Variants in ACSS3 observed in about 807,000 individuals in gnomAD.
The protein encoded by ACSS3 is acyl-CoA synthetase short chain family member 3.
A neutral mutation model predicts 84.2 loss-of-function variants in ACSS3; 64 were observed. That is an observed-to-expected ratio of 0.76 (90% CI 0.62 to 0.94). The LOEUF (loss-of-function observed/expected upper bound fraction) is 0.94. ACSS3 is among the 40% of genes least tolerant of loss of function. The pLI, the probability that ACSS3 is intolerant of heterozygous loss-of-function variation, is 0.00. For missense variants in ACSS3, 815 were observed against 867.6 expected (o/e 0.94, Z 0.76); for synonymous variants, 317 against 310.1 (o/e 1.02, Z -0.23).
rs1253910073 is a variant in ACSS3, at chr12:81,139,630, A to AT, written c.780+366dup. Among the ~76,000 whole-genome samples the AT allele has an allele frequency of 4.0e-3, 565 of 142,040 alleles. 7 individuals carry two copies. Among genetic ancestry groups the AT allele is most frequent in the Middle Eastern group, 0.033 (9 of 272 alleles). 93.2% of individuals were successfully genotyped at this position (142,040 alleles called of 152,430 possible). A position where few individuals can be genotyped will look rare whatever the true frequency, so the allele number is the denominator to read the frequency against. ...AATATATATATATAAAATAATAATA[A>AT]TAATAATTATTGTTATTTTTTTTTG... On this transcript the variant is annotated intron_variant, in intron 4 of 15. Transcript: ENST00000548058.
intron 8 of ACSS3, among the ~76,000 whole-genome samples, chr12:81,193,193 T>C (rs2135878713): frequency 6.6e-6 from 1 of 152,170 alleles, no homozygotes; most frequent in East Asian, 1.9e-4. Context: ...TGGCAAAAAA[T>C]AATGATAATC....
intron 2 of ACSS3, among the ~76,000 whole-genome samples, chr12:81,133,485 A>G (rs1326662214): frequency 6.6e-6 from 1 of 152,054 alleles, no homozygotes; most frequent in Non-Finnish European, 1.5e-5. Flanking sequence ...ATCGCATCAC[A>G]TATGATCTCC....
intron 7 of ACSS3, among the ~76,000 whole-genome samples, chr12:81,159,547 A>G (rs907625531): frequency 1.3e-5 from 2 of 152,226 alleles, no homozygotes; most frequent in African/African-American, 2.4e-5. Flanking sequence ...ATGGAAACCA[A>G]TTCTGAATAA....
At chr12:81,139,817 A>G (rs1359218310) in intron 4 of ACSS3, among the ~76,000 whole-genome samples, 1 of 151,622 alleles carries the variant, frequency 6.6e-6, no homozygotes. Context: ...TTGTATTTTT[A>G]GTAGAGACGG....
At chr12:81,078,048 C>T, upstream of ACSS3, 4 of 1,418,340 alleles carry the variant, frequency 2.8e-6, no homozygotes, top group South Asian at 6.0e-5. Context: ...CCCCTACTCC[C>T]TTCCCTCAGG....
In ACSS3 at chr12:81,139,139, G is replaced by T. The variant is rs776661069; in HGVS notation, c.654G>T (p.Val218=). The change falls in exon 4 of 16, where the codon GTG becomes GTT. Residue 218 remains valine, a synonymous_variant. Coordinates refer to ENST00000548058, the MANE Select transcript of ACSS3 (RefSeq NM_024560.4). ...SSRIDHVKPK[V]VVTASFGIEP... ...TTATTTTTTAATTGTAGCCCAAGGTGGTTGTTACAGCATCATTTGGCATTG... is the reference window on the plus strand; with the variant it reads ...TTATTTTTTAATTGTAGCCCAAGGTTGTTGTTACAGCATCATTTGGCATTG... 9 of 1,613,164 alleles carry T rather than the reference G, an allele frequency of 5.6e-6. No individual in the cohort carries two copies. The highest frequency in any genetic ancestry group is 6.8e-6 in the Non-Finnish European group (8 of 1,179,380).
Position 81,183,742 on chromosome 12 carries a change from A to C in ACSS3, c.1250+8803A>C, listed in dbSNP as rs183867358. On this transcript the variant is annotated intron_variant, in intron 8 of 15. Coordinates refer to ENST00000548058, the MANE Select transcript of ACSS3 (RefSeq NM_024560.4). ...AATAAAAGGGTCATTCATTAAGATA[A>C]CTCAACCACTGTAAATATTTATACA... 2.7e-3 allele frequency among the ~76,000 whole-genome samples: 409 copies of C among 152,192 alleles called. 3 individuals are homozygous for C. The highest frequency in any genetic ancestry group is 2.1e-3 in the Non-Finnish European group (144 of 67,948).
At chr12:81,120,277 A>G (rs1884465892) in intron 2 of ACSS3, among the ~76,000 whole-genome samples, 1 of 152,242 alleles carries the variant, frequency 6.6e-6, no homozygotes, top group Non-Finnish European at 1.5e-5. Context: ...TTGGAGAATA[A>G]AAGAAGGAGA....
In ACSS3 at chr12:81,152,092, A is replaced by G; in HGVS notation, c.1094A>G (p.Tyr365Cys). ...CTTCATGGGAACACAACAGTTTTAT[A>G]TGAGGTAATAAAGTAAAGTTAATAC... ...PLLHGNTTVL[Y>C]EGKPVGTPDA... Residue 365 changes from tyrosine (Y) to cysteine (C), a missense_variant, in exon 7 of 16, where the codon TAT becomes TGT. Tyr to Cys is a radical substitution (Grantham distance 194). Coordinates refer to ENST00000548058, the MANE Select transcript of ACSS3 (RefSeq NM_024560.4). 1 of 1,609,198 alleles carries G rather than the reference A, an allele frequency of 6.2e-7. No individual in the cohort carries two copies. Among genetic ancestry groups the G allele is most frequent in the African/African-American group, 1.3e-5 (1 of 74,928 alleles).
chr12:81,123,075 T>C (rs190160934), intron 2 of ACSS3, among the ~76,000 whole-genome samples: 1 of 152,028 alleles, frequency 6.6e-6, no homozygotes, highest in Admixed American at 6.5e-5. Context: ...AAAAAATCAA[T>C]ATTCTTGCAG....
intron 1 of ACSS3, among the ~76,000 whole-genome samples, chr12:81,086,715 GTTC>G (rs760346180): frequency 3.4e-4 from 51 of 152,204 alleles, no homozygotes; most frequent in Admixed American, 1.8e-3. Flanking sequence ...TTGTTTGCTT[GTTC>G]TTCTTCTTCT....
At chr12:81,251,490 G>C (rs2136015275) in intron 13 of ACSS3, among the ~76,000 whole-genome samples, 1 of 151,954 alleles carries the variant, frequency 6.6e-6, no homozygotes, top group South Asian at 2.1e-4. Context: ...ATGTATATGA[G>C]AATCCTACTT....
chr12:81,104,509 G>A (rs1362405654), intron 1 of ACSS3, among the ~76,000 whole-genome samples: 4 of 152,098 alleles, frequency 2.6e-5, no homozygotes, highest in Non-Finnish European at 5.9e-5. Flanking sequence ...TCCCTTGGTG[G>A]GGTCAGATTA....
chr12:81,245,476 A>G (rs2033954838), intron 13 of ACSS3, among the ~76,000 whole-genome samples: 2 of 152,102 alleles, frequency 1.3e-5, no homozygotes, highest in African/African-American at 4.8e-5. Flanking sequence ...AAACAAACAA[A>G]CAAAAAATAG....
At chr12:81,203,242 C>G (rs1276712248) in intron 9 of ACSS3, among the ~76,000 whole-genome samples, 2 of 152,120 alleles carry the variant, frequency 1.3e-5, no homozygotes, top group Non-Finnish European at 2.9e-5. Flanking sequence ...ATTCACCTTT[C>G]CTCTATTCTT....
intron 7 of ACSS3, among the ~76,000 whole-genome samples, chr12:81,162,622 G>A (rs2135786770): frequency 6.6e-6 from 1 of 152,232 alleles, no homozygotes; most frequent in East Asian, 1.9e-4. Flanking sequence ...TGCCTTGAAG[G>A]GGAGGCTTCA....
In ACSS3 at chr12:81,134,896, A is replaced by G; in HGVS notation, c.537A>G (p.Pro179=). 1.2e-6 allele frequency: 2 copies of G among 1,605,334 alleles called. No individual in the cohort carries two copies. The highest frequency in any genetic ancestry group is 8.5e-7 in the Non-Finnish European group (1 of 1,175,302). Residue 179 remains proline, a synonymous_variant, in exon 3 of 16, where the codon CCA becomes CCG. Transcript: ENST00000548058. ...TGGTTATCTACATGCCTATGATCCC[A>G]CAGGCGATGTATACCATGTTGGCAT... The part of the protein sequence containing the change: ...DTVVIYMPMI[P]QAMYTMLACA...
chr12:81,213,950 CCT>C lies in ACSS3; in HGVS notation c.1355-2942_1355-2941del, dbSNP rs1209995717. On this transcript the variant is annotated intron_variant, in intron 9 of 15. Transcript: ENST00000548058. ...CTTCCTTCCTTTCTCTCTCTCTCTCCCTCTCTCTCTTTCTTTCTTTCTTTCTT... is the reference window on the plus strand; with the variant it reads ...CTTCCTTCCTTTCTCTCTCTCTCTCCCTCTCTCTTTCTTTCTTTCTTTCTT... 5.0e-3 allele frequency among the ~76,000 whole-genome samples: 79 copies of C among 15,824 alleles called. 1 individual carries two copies. The highest frequency in any genetic ancestry group is 1.0e-2 in the African/African-American group (72 of 7,216). The allele number at this position is 15,824 out of a possible 152,430, so 10.4% of individuals were successfully genotyped here. A position where few individuals can be genotyped will look rare whatever the true frequency, so the allele number is the denominator to read the frequency against.
chr12:81,143,145 G>A lies in ACSS3; in HGVS notation c.819G>A (p.Trp273Ter). ...VPLAPGRDLDWDEEMAKAQSH... is the reference protein window; with the variant it reads ...VPLAPGRDLD ...TGGCTCCCGGTCGTGACCTTGATTGGGATGAAGAGATGGCAAAAGCCCAGT... is the reference window on the plus strand; with the variant it reads ...TGGCTCCCGGTCGTGACCTTGATTGAGATGAAGAGATGGCAAAAGCCCAGT... Residue 273 changes from tryptophan to a stop codon, truncating the protein, a stop_gained, in exon 5 of 16, where the codon TGG becomes TGA. Transcript: ENST00000548058. LOFTEE classifies it high-confidence loss of function. 1 of 1,613,560 alleles carries A rather than the reference G, an allele frequency of 6.2e-7. No individual in the cohort carries two copies. The highest frequency in any genetic ancestry group is 8.5e-7 in the Non-Finnish European group (1 of 1,179,638).
Sources: allele counts gnomAD v4.1 joint callset (sites outside exome capture counted in the v4.1 genomes callset), GRCh38; gene constraint gnomAD v4.1.1; transcripts MANE v1.5; gene names NCBI Gene and HGNC (gene_info 2026-07-23, HGNC 2026-07-21).